PLEKHM1: variants seen among roughly 807,000 people sequenced by gnomAD.
PLEKHM1 encodes the protein pleckstrin homology domain-containing family M member 1.
In PLEKHM1, 28 loss-of-function variants were observed where a neutral mutation model predicts 94.3. The ratio of observed to expected loss-of-function variants is 0.30; its 90% CI spans 0.22 to 0.41. PLEKHM1 has a LOEUF of 0.41. PLEKHM1 is among the 10% of genes least tolerant of loss of function. The pLI, the probability that PLEKHM1 is intolerant of heterozygous loss-of-function variation, is 1.00. For missense variants in PLEKHM1, 907 were observed against 1,358.6 expected, an observed-to-expected ratio of 0.67 and a Z score of 5.22; for synonymous variants, 424 against 581.2, an observed-to-expected ratio of 0.73 and a Z score of 3.89.
At position 45,450,727 on chromosome 17, in the gene PLEKHM1, G is replaced by C; in HGVS notation, c.2534C>G (p.Pro845Arg). Residue 845 changes from proline (P) to arginine (R), a missense_variant, in exon 8 of 12, where the codon CCC becomes CGC. Around this residue, in one of 3 missense-constraint regions of PLEKHM1, gnomAD observed 254 missense variants for 451.1 expected, o/e 0.56. Transcript: ENST00000430334. ...SRQIGFSFVRPKLCAFSGLYY... is the reference protein window; with the variant it reads ...SRQIGFSFVRRKLCAFSGLYY... ...GAGGCCAGAGAAGGCACAGAGCTTG[G>C]GTCGTACAAAGGAGAAGCCGATCTG... 1.3e-6 allele frequency: 2 copies of C among 1,592,124 alleles called. No homozygotes were observed. The highest frequency in any genetic ancestry group is 8.5e-7 in the Non-Finnish European group (1 of 1,170,304).
downstream of PLEKHM1, among the ~76,000 whole-genome samples, chr17:45,435,058 G>A (rs1404546709): frequency 1.3e-5 from 2 of 151,224 alleles, no homozygotes; most frequent in Admixed American, 6.6e-5. Flanking sequence ...TGAACCCACC[G>A]GCAGGGCAGC....
At chr17:45,489,085 CCTT>C (rs2052221854) in intron 1 of PLEKHM1, among the ~76,000 whole-genome samples, 1 of 152,170 alleles carries the variant, frequency 6.6e-6, no homozygotes, top group African/African-American at 2.4e-5. Context: ...TCTGGAATGT[CCTT>C]CTGCCTCAGC....
chr17:45,486,553 A>G (rs2052136391), intron 1 of PLEKHM1, among the ~76,000 whole-genome samples: 1 of 152,042 alleles, frequency 6.6e-6, no homozygotes, highest in South Asian at 2.1e-4. Context: ...CAGCTTGGGC[A>G]ACAGAGCGAG....
intron 4 of PLEKHM1, among the ~76,000 whole-genome samples, chr17:45,470,163 T>G (rs939443487): frequency 6.6e-6 from 1 of 152,076 alleles, no homozygotes; most frequent in East Asian, 1.9e-4. Flanking sequence ...CTGAGATAAG[T>G]GGATAATCAC....
intron 2 of PLEKHM1, among the ~76,000 whole-genome samples, chr17:45,480,149 T>C (rs1180328088): frequency 3.9e-5 from 6 of 152,228 alleles, no homozygotes; most frequent in African/African-American, 1.4e-4. Context: ...GTTTCTAGTA[T>C]ATTCACACAA....
In PLEKHM1 at chr17:45,458,306, A is replaced by C. The variant is rs767278755; in HGVS notation, c.1442T>G (p.Phe481Cys). ...PGSRPGLHRH[F>C]SQEPRKNCSL... ...GCAGTTTTTTCTTGGTTCTTGAGAA[A>C]AATGCCTGTGGAGACCAGGCCTTGA... is the stretch of plus-strand genomic sequence containing the variant. Residue 481 changes from phenylalanine to cysteine, a missense_variant, in exon 6 of 12, where the codon TTT (phenylalanine) becomes TGT (cysteine). This residue lies in a region of PLEKHM1 where 477 missense variants were observed against 601.5 expected (regional missense o/e 0.79). Transcript: ENST00000430334. 6.2e-7 allele frequency: 1 copy of C among 1,613,546 alleles called. No individual in the cohort carries two copies. Among genetic ancestry groups the C allele is most frequent in the Non-Finnish European group, 8.5e-7 (1 of 1,179,690 alleles).
chr17:45,488,532 CA>C (rs1227909847), intron 1 of PLEKHM1, among the ~76,000 whole-genome samples: 1 of 152,130 alleles, frequency 6.6e-6, no homozygotes, highest in Admixed American at 6.6e-5. Context: ...AGGCTGAAAA[CA>C]ACTTAAATAT....
rs1444403754 is a variant in PLEKHM1, at chr17:45,468,370, G to A, written c.1147C>T (p.Pro383Ser). Residue 383 changes from proline (P) to serine (S), a missense_variant, in exon 5 of 12, where the codon CCC (proline) becomes TCC (serine). Pro to Ser is a moderately conservative substitution (Grantham distance 74). Around this residue, in one of 3 missense-constraint regions of PLEKHM1, gnomAD observed 477 missense variants for 601.5 expected, o/e 0.79. Transcript: ENST00000430334. ...TCTACAGGCTGCTGTAAGTCCAGGG[G>A]GCTGGGCGCCTGGGGACGCGGCTCC... ...VQEPRPQAPS[P>S]LDLQQPVEST... 6.2e-6 allele frequency: 10 copies of A among 1,614,182 alleles called. No individual in the cohort carries two copies. In the East Asian group the frequency reaches 2.2e-4, roughly 36 times the overall value.
intron 8 of PLEKHM1, among the ~76,000 whole-genome samples, chr17:45,447,223 G>A (rs2050634420): frequency 6.6e-6 from 1 of 152,104 alleles, no homozygotes; most frequent in East Asian, 1.9e-4. Context: ...GGGGCTGAGG[G>A]GGCCTCTGAC....
chr17:45,438,481 G>A (rs777353052), intron 11 of PLEKHM1, among the ~76,000 whole-genome samples: 1 of 151,698 alleles, frequency 6.6e-6, no homozygotes, highest in African/African-American at 2.4e-5. Context: ...GCAGTGAGCC[G>A]AGACTGCACC....
At position 45,439,625 on chromosome 17, in the gene PLEKHM1, C is replaced by A. The variant is rs764393685; in HGVS notation, c.2911G>T (p.Gly971Trp). The change falls in exon 11 of 12, where the codon GGG becomes TGG. Residue 971 changes from glycine to tryptophan, a missense_variant. Physicochemically the swap from Gly to Trp is radical, Grantham distance 184 (BLOSUM62 -2). Transcript: ENST00000430334. Reference protein sequence around the residue: ...SVADLQQIADGVYEGFLKALI... With the variant: ...SVADLQQIADWVYEGFLKALI... ...GCCTTGAGGAATCCTTCATACACCCCGTCTGCGATCTGCGGAGGGCAAGTA... is the reference window on the plus strand; with the variant it reads ...GCCTTGAGGAATCCTTCATACACCCAGTCTGCGATCTGCGGAGGGCAAGTA... 2.5e-6 allele frequency: 4 copies of A among 1,613,842 alleles called. No individual in the cohort carries two copies. The highest frequency in any genetic ancestry group is 8.5e-7 in the Non-Finnish European group (1 of 1,179,970).
chr17:45,488,832 G>A (rs2052213818), intron 1 of PLEKHM1, among the ~76,000 whole-genome samples: 1 of 152,104 alleles, frequency 6.6e-6, no homozygotes, highest in Admixed American at 6.6e-5. Context: ...CCAGCTACTC[G>A]GGAGGCTGAG....
intron 5 of PLEKHM1, among the ~76,000 whole-genome samples, chr17:45,460,787 G>C (rs140864877): frequency 6.6e-6 from 1 of 152,314 alleles, no homozygotes; most frequent in East Asian, 1.9e-4. Flanking sequence ...TTGCACTCCT[G>C]GACTCAAGTG....
At chr17:45,480,181 C>T (rs2051903741) in intron 2 of PLEKHM1, among the ~76,000 whole-genome samples, 1 of 152,146 alleles carries the variant, frequency 6.6e-6, no homozygotes, top group African/African-American at 2.4e-5. Context: ...TCACCACTAC[C>T]TAATTTTAGA....
chr17:45,454,695 A>C, intron 6 of PLEKHM1: 1 of 353,008 alleles, frequency 2.8e-6, no homozygotes, highest in East Asian at 6.3e-5. Flanking sequence ...TTCCTTCTCT[A>C]TGGGGTGACT....
chr17:45,438,044 T>C (rs2050324223), intron 11 of PLEKHM1, 75 bp from the exon 12 acceptor site: 2 of 1,126,332 alleles, frequency 1.8e-6, no homozygotes, highest in East Asian at 2.4e-5. Context: ...GCCAGCCCTT[T>C]TGACCAGAAC....
chr17:45,453,623 T>G lies in PLEKHM1; in HGVS notation c.2229A>C (p.Pro743=). ...TGGCCGTGATGATTTTGAAGAAGGA[T>G]GGGCCCCCAAGGCTGGTGTCTGGCA... ...DILPDTSLGG[P]SFFKIITAKA... Residue 743 remains proline (P), a synonymous_variant, in exon 7 of 12, where the codon CCA becomes CCC. Transcript: ENST00000430334. This position sits in a 1 kb window ranked among gnomAD's most constrained non-coding sequence, Gnocchi z 4.1. 1.9e-6 allele frequency: 3 copies of G among 1,609,454 alleles called. No homozygotes were observed. Among genetic ancestry groups the G allele is most frequent in the Non-Finnish European group, 2.5e-6 (3 of 1,177,776 alleles).
intron 5 of PLEKHM1, among the ~76,000 whole-genome samples, chr17:45,463,197 A>G (rs905213826): frequency 2.6e-5 from 4 of 152,094 alleles, no homozygotes; most frequent in African/African-American, 9.7e-5. Flanking sequence ...CACAGCTGCC[A>G]GGAAATGAAA....
At position 45,478,132 on chromosome 17, in the gene PLEKHM1, GCTT is replaced by G. The variant is rs1468087886; in HGVS notation, c.61_63del (p.Lys21del). ...TGCAAGGCCTTCACGGATCCCACCA[GCTT>G]CTTCTTGATGACCTAGGCAGCACCA... On this transcript the variant is annotated inframe_deletion, in exon 3 of 12. Coordinates refer to ENST00000430334, the MANE Select transcript of PLEKHM1 (RefSeq NM_014798.3). The G allele has an allele frequency of 1.9e-6, 3 of 1,614,214 alleles. No individual in the cohort carries two copies. Among genetic ancestry groups the G allele is most frequent in the Admixed American group, 1.7e-5 (1 of 60,030 alleles).
Sources: gnomAD v4.1 joint callset for allele counts (sites outside exome capture counted in the v4.1 genomes callset) on GRCh38, gnomAD v4.1.1 for gene constraint, gnomAD v4.1.1 regional missense constraint, Gnocchi (gnomAD v3.1) non-coding constraint, MANE v1.5 for transcripts, NCBI Gene and HGNC (gene_info 2026-07-23, HGNC 2026-07-21) for gene names.